Variants in CAST observed in about 807,000 individuals in gnomAD.
The protein encoded by CAST is calpastatin.
CAST carries 76 observed loss-of-function variants against 119.6 expected under a neutral mutation model. The observed-to-expected ratio is 0.64, with a 90% confidence interval of 0.53 to 0.77. CAST has a LOEUF of 0.77. Ranked by LOEUF, CAST falls within the 30% of genes least tolerant of loss-of-function variation. The pLI is 0.00. For synonymous variants in CAST, 319 were observed against 331.6 expected (o/e 0.96, Z 0.41); for missense variants, 953 against 946.5 (o/e 1.01, Z -0.09).
At chr5:96,068,461 C>T in the CAST span, among the ~76,000 whole-genome samples, 2 of 152,074 alleles carry the variant, frequency 1.3e-5, no homozygotes, top group African/African-American at 2.4e-5. Context: ...ACTTCTCCTG[C>T]TCCATATTCC....
the CAST span, among the ~76,000 whole-genome samples, chr5:96,353,035 G>T: frequency 6.6e-6 from 1 of 152,042 alleles, no homozygotes; most frequent in Non-Finnish European, 1.5e-5. Context: ...ATGTGAAAAT[G>T]GACTAATACA....
chr5:96,016,468 T>C, the CAST span, among the ~76,000 whole-genome samples: 2 of 152,228 alleles, frequency 1.3e-5, no homozygotes, highest in Non-Finnish European at 2.9e-5. Context: ...CTGATAAGCA[T>C]TTTGAAAGCA....
In CAST at chr5:96,730,807, G is replaced by A; in HGVS notation, c.577G>A (p.Gly193Ser). 1 of 1,614,032 alleles carries A rather than the reference G, an allele frequency of 6.2e-7. No homozygotes were observed. The highest frequency in any genetic ancestry group is 1.3e-5 in the African/African-American group (1 of 75,046). The change falls in exon 9 of 32, where the codon GGT (glycine) becomes AGT (serine). Residue 193 changes from glycine (G) to serine (S), a missense_variant. By Grantham distance (56) the Gly-to-Ser change is moderately conservative. Coordinates refer to ENST00000675179, the MANE Select transcript of CAST (RefSeq NM_001750.7). ...TAAACCACAAGACATGATTTCTGCT[G>A]GTGGAGAGAGTGTTGCTGGTATCAC... ...KTKPQDMISAGGESVAGITAI... is the reference protein window; with the variant it reads ...KTKPQDMISASGESVAGITAI...
intron 1 of CAST, among the ~76,000 whole-genome samples, chr5:96,618,096 G>A (rs1010084621): frequency 3.9e-5 from 6 of 152,158 alleles, no homozygotes; most frequent in South Asian, 2.1e-4. Flanking sequence ...ACAGATCAGA[G>A]ACTTTAGCTC....
At chr5:96,305,292 C>T in the CAST span, among the ~76,000 whole-genome samples, 2 of 152,134 alleles carry the variant, frequency 1.3e-5, no homozygotes, top group Non-Finnish European at 2.9e-5. Flanking sequence ...GTGATTTTTG[C>T]ACATTGATTT....
the CAST span, among the ~76,000 whole-genome samples, chr5:96,142,228 G>T: frequency 6.6e-6 from 1 of 152,080 alleles, no homozygotes; most frequent in Non-Finnish European, 1.5e-5. Context: ...TGGCCAACAT[G>T]GTGAAACCCC....
At chr5:96,113,147 G>A in the CAST span, among the ~76,000 whole-genome samples, 1 of 152,180 alleles carries the variant, frequency 6.6e-6, no homozygotes, top group African/African-American at 2.4e-5. Flanking sequence ...CTTAACAGCA[G>A]GCTAGAAATT....
chr5:96,468,328 T>G, the CAST span, among the ~76,000 whole-genome samples: 1 of 152,076 alleles, frequency 6.6e-6, no homozygotes, highest in African/African-American at 2.4e-5. Flanking sequence ...ACTTCACCAC[T>G]ATACAATTCA....
the CAST span, among the ~76,000 whole-genome samples, chr5:96,080,416 C>T: frequency 6.6e-6 from 1 of 152,158 alleles, no homozygotes; most frequent in Non-Finnish European, 1.5e-5. Flanking sequence ...TGATATAATT[C>T]ATGCTCATTT....
the CAST span, among the ~76,000 whole-genome samples, chr5:96,066,622 A>G: frequency 2.6e-3 from 392 of 152,002 alleles, 1 homozygote; most frequent in African/African-American, 8.5e-3. Context: ...GCACTTAATT[A>G]TATAATTTCT....
rs770862712 is a variant in CAST at position 96,763,353 on chromosome 5, TATGTGC to T, written c.1932+999_1932+1004del. The T allele has an allele frequency of 1.1e-3, 842 of 737,550 alleles. 1 individual carries two copies. The highest frequency in any genetic ancestry group is 1.8e-3 in the Non-Finnish European group (724 of 395,720). 45.7% of individuals were successfully genotyped at this position (737,550 alleles called of 1,614,324 possible). On this transcript the variant is annotated intron_variant, in intron 25 of 31. Transcript: ENST00000675179. ...ACCAGTAAAATGCCCCGTGTGTGTGTATGTGCATGTGCATGTGCATGTGTGTATGTA... is the reference window on the plus strand; with the variant it reads ...ACCAGTAAAATGCCCCGTGTGTGTGTATGTGCATGTGCATGTGTGTATGTA...
intron 1 of CAST, among the ~76,000 whole-genome samples, chr5:96,595,631 A>G (rs1454869323): frequency 2.0e-5 from 3 of 152,228 alleles, no homozygotes; most frequent in East Asian, 1.9e-4. Flanking sequence ...CAAGGCACTC[A>G]GTTGGATGAC....
chr5:96,717,814 GA>G (rs1561515573), intron 3 of CAST, among the ~76,000 whole-genome samples: 1 of 152,180 alleles, frequency 6.6e-6, no homozygotes, highest in Non-Finnish European at 1.5e-5. Flanking sequence ...AAATCAGGCA[GA>G]AGGCATTAAA....
the CAST span, among the ~76,000 whole-genome samples, chr5:96,375,445 A>G: frequency 7.1e-6 from 1 of 140,752 alleles, no homozygotes; most frequent in African/African-American, 2.7e-5. Flanking sequence ...TGTTTTTTTT[A>G]CTATGCACAT....
Position 96,533,727 on chromosome 5 carries a change from C to G in CAST, c.60+3847C>G, listed in dbSNP as rs151028266. 4.6e-3 allele frequency among the ~76,000 whole-genome samples: 703 copies of G among 152,234 alleles called. 6 individuals carry two copies. The highest frequency in any genetic ancestry group is 0.016 in the African/African-American group (665 of 41,534). On this transcript the variant is annotated intron_variant, in intron 1 of 11. Coordinates refer to the CAST transcript ENST00000505143. ...ATTGATGAAGCAGCAAAAATATTAA[C>G]TTTATTAATCCTGACTCTTGAATAT...
chr5:96,666,975 A>G (rs1749421529), intron 1 of CAST, among the ~76,000 whole-genome samples: 1 of 152,172 alleles, frequency 6.6e-6, no homozygotes, highest in Non-Finnish European at 1.5e-5. Flanking sequence ...AACAGATACT[A>G]AAGTTCTGTT....
chr5:96,597,558 C>G (rs1747074327), intron 1 of CAST, among the ~76,000 whole-genome samples: 1 of 152,190 alleles, frequency 6.6e-6, no homozygotes, highest in Non-Finnish European at 1.5e-5. Flanking sequence ...ACGTCAGCAG[C>G]AGCAGAGGCA....
At chr5:96,691,285 C>T (rs749723073) in intron 2 of CAST, among the ~76,000 whole-genome samples, 5 of 152,130 alleles carry the variant, frequency 3.3e-5, no homozygotes, top group East Asian at 1.9e-4. Context: ...ATCACAATAT[C>T]GCATACTCTA....
At chr5:95,988,452 C>A in the CAST span, among the ~76,000 whole-genome samples, 302 of 152,042 alleles carry the variant, frequency 2.0e-3, 1 homozygote, top group African/African-American at 6.9e-3. Flanking sequence ...TAAGGGAAGT[C>A]CCTAAATAAG....
Sources: allele counts gnomAD v4.1 joint callset (sites outside exome capture counted in the v4.1 genomes callset), GRCh38; gene constraint gnomAD v4.1.1; transcripts MANE v1.5; gene names NCBI Gene and HGNC (gene_info 2026-07-23, HGNC 2026-07-21).